The following SYT1 variants were observed in gnomAD, a reference collection of about 807,000 sequenced individuals.
The protein encoded by SYT1 is synaptotagmin 1.
In SYT1, 8 loss-of-function variants were observed where a neutral mutation model predicts 44.8. The observed-to-expected ratio is 0.18, with a 90% CI of 0.10 to 0.32. The LOEUF (loss-of-function observed/expected upper bound fraction) is 0.32, where lower values mean the gene tolerates loss of function less well. Ranked by LOEUF, SYT1 falls within the 10% of genes least tolerant of loss-of-function variation. The pLI, the probability that SYT1 is intolerant of heterozygous loss-of-function variation, is 1.00. For synonymous variants in SYT1, 154 were observed against 188.8 expected, an observed-to-expected ratio of 0.82 and a Z score of 1.51; for missense variants, 286 against 509.3, an observed-to-expected ratio of 0.56 and a Z score of 4.22.
chr12:79,091,895 C>G (rs1001558945), intron 3 of SYT1, among the ~76,000 whole-genome samples: 1 of 151,886 alleles, frequency 6.6e-6, no homozygotes, highest in Non-Finnish European at 1.5e-5. Flanking sequence ...TATACTTTGC[C>G]TAATAATTTA....
At chr12:79,172,483 A>C (rs1654510792) in intron 3 of SYT1, among the ~76,000 whole-genome samples, 1 of 151,984 alleles carries the variant, frequency 6.6e-6, no homozygotes, top group African/African-American at 2.4e-5. Context: ...CAATTGGAAA[A>C]TATTAGTTAA....
Position 79,139,668 on chromosome 12 carries a change from G to A in SYT1, c.-17-77835G>A, listed in dbSNP as rs576446570. ...TACCTATTCCCAAATATTTAAATAC[G>A]CTTCTACTAAAACCAAATCATAGAC... On this transcript the variant is annotated intron_variant, in intron 3 of 10. Coordinates refer to ENST00000261205, the MANE Select transcript of SYT1 (RefSeq NM_005639.3). Among the ~76,000 whole-genome samples the A allele has an allele frequency of 5.3e-5, 8 of 152,140 alleles. No individual in the cohort carries two copies. In the South Asian group the frequency reaches 1.5e-3, roughly 28 times the overall value.
At chr12:79,115,154 C>T (rs547068371) in intron 3 of SYT1, among the ~76,000 whole-genome samples, 2 of 152,222 alleles carry the variant, frequency 1.3e-5, no homozygotes, top group East Asian at 3.9e-4. Flanking sequence ...ACATACTCCC[C>T]ATAGTCATCT....
intron 2 of SYT1, among the ~76,000 whole-genome samples, chr12:79,019,007 C>T (rs554312230): frequency 7.5e-4 from 114 of 152,034 alleles, no homozygotes; most frequent in Middle Eastern, 3.4e-3. Context: ...GATAGCTATT[C>T]GTCAAATTCC....
chr12:78,876,930 T>TATATGTATTATATATAATACGTATA (rs1874203805), intron 1 of SYT1, among the ~76,000 whole-genome samples: 2 of 42,594 alleles, frequency 4.7e-5, no homozygotes, highest in African/African-American at 1.7e-4. Context: ...TAATATATAT[T>TATATGTATTATATATAATACGTATA]ATATATTATA....
intron 3 of SYT1, among the ~76,000 whole-genome samples, chr12:79,190,943 G>A (rs1425732541): frequency 6.6e-6 from 1 of 151,914 alleles, no homozygotes; most frequent in East Asian, 1.9e-4. Context: ...CAAGGTTCCT[G>A]TTTCTTGAAC....
intron 2 of SYT1, among the ~76,000 whole-genome samples, chr12:78,991,872 G>A (rs1043657605): frequency 6.6e-6 from 1 of 152,068 alleles, no homozygotes; most frequent in African/African-American, 2.4e-5. Context: ...GGCTTTGTGT[G>A]AATTACTGTT....
chr12:79,345,801 C>T (rs930652577), intron 8 of SYT1, among the ~76,000 whole-genome samples: 1 of 152,126 alleles, frequency 6.6e-6, no homozygotes, highest in Non-Finnish European at 1.5e-5. Flanking sequence ...CTAACATTGT[C>T]CTTCATATAA....
chr12:78,995,097 T>G (rs564623069), intron 2 of SYT1, among the ~76,000 whole-genome samples: 60 of 152,290 alleles, frequency 3.9e-4, no homozygotes, highest in African/African-American at 1.4e-3. Context: ...CCCAAGATTC[T>G]GATTAAATAG....
intron 4 of SYT1, among the ~76,000 whole-genome samples, chr12:79,239,624 T>C (rs116769396): frequency 0.016 from 2,468 of 152,300 alleles, 50 homozygotes; most frequent in African/African-American, 0.045. Flanking sequence ...TTAAAAACAT[T>C]TGCTACAATA....
At chr12:79,284,837 CAAA>C (rs36090267) in intron 4 of SYT1, among the ~76,000 whole-genome samples, 13 of 117,846 alleles carry the variant, frequency 1.1e-4, no homozygotes, top group Admixed American at 2.7e-4. Flanking sequence ...GACTCCATCT[CAAA>C]AAAAAAAAAA....
chr12:79,403,638 T>C (rs1165527171), intron 9 of SYT1, among the ~76,000 whole-genome samples: 4 of 152,174 alleles, frequency 2.6e-5, no homozygotes, highest in Admixed American at 6.6e-5. Flanking sequence ...GGTTTTATTA[T>C]GATCTAGATA....
chr12:78,917,420 T>C (rs1457958163), intron 1 of SYT1, among the ~76,000 whole-genome samples: 2 of 151,846 alleles, frequency 1.3e-5, no homozygotes, highest in Admixed American at 1.3e-4. Context: ...ATGAGAGCAC[T>C]TGGACACAAG....
At chr12:79,156,662 T>G (rs943175856) in intron 3 of SYT1, among the ~76,000 whole-genome samples, 1 of 152,040 alleles carries the variant, frequency 6.6e-6, no homozygotes, top group Non-Finnish European at 1.5e-5. Flanking sequence ...AGAGACAGGG[T>G]TTCACCGTGT....
Position 79,239,658 on chromosome 12 carries a change from G to A in SYT1, c.166+21973G>A, listed in dbSNP as rs544194073. On this transcript the variant is annotated intron_variant, in intron 4 of 10. Coordinates refer to ENST00000261205, the MANE Select transcript of SYT1 (RefSeq NM_005639.3). ...TATTAGTGGCTTAAAACAACACAAC[G>A]TTTATTATCTCACAGTTTACATGAA... is the stretch of plus-strand genomic sequence containing the variant. Among the ~76,000 whole-genome samples the A allele has an allele frequency of 3.0e-4, 46 of 152,214 alleles. 1 individual carries two copies. In the South Asian group the frequency reaches 7.7e-3, roughly 25 times the overall value.
chr12:79,262,181 A>G (rs1877865595), intron 4 of SYT1, among the ~76,000 whole-genome samples: 1 of 152,202 alleles, frequency 6.6e-6, no homozygotes, highest in Admixed American at 6.5e-5. Context: ...GTTGTAGTTA[A>G]CAAGCCTTTT....
intron 9 of SYT1, among the ~76,000 whole-genome samples, chr12:79,363,940 A>G (rs1883430516): frequency 6.6e-6 from 1 of 152,168 alleles, no homozygotes. Context: ...GTGTTCTCAG[A>G]GCCCCTAGCA....
chr12:79,377,099 T>TTGTTG, intron 9 of SYT1, among the ~76,000 whole-genome samples: 1 of 121,476 alleles, frequency 8.2e-6, no homozygotes, highest in Non-Finnish European at 1.6e-5. Context: ...TATGTAACAT[T>TTGTTG]TTTTGTTTTT....
At chr12:79,058,428 C>T (rs912430788) in intron 3 of SYT1, among the ~76,000 whole-genome samples, 3 of 152,094 alleles carry the variant, frequency 2.0e-5, no homozygotes, top group Non-Finnish European at 4.4e-5. Context: ...ACAGCCTTCT[C>T]TCTCTTTGTC....
Sources: allele counts gnomAD v4.1 joint callset (sites outside exome capture counted in the v4.1 genomes callset), GRCh38; gene constraint gnomAD v4.1.1; transcripts MANE v1.5; gene names NCBI Gene and HGNC (gene_info 2026-07-23, HGNC 2026-07-21).